Variants in OR51E1 observed in about 807,000 individuals in gnomAD.
The protein encoded by OR51E1 is olfactory receptor 51E1.
In OR51E1, 9 loss-of-function variants were observed where a neutral mutation model predicts 11.5. The ratio of observed to expected loss-of-function variants is 0.78; its 90% CI spans 0.47 to 1.37. The LOEUF (loss-of-function observed/expected upper bound fraction) is 1.37. OR51E1 is among the 40% of genes most tolerant of loss of function. The probability of loss-of-function intolerance (pLI) is 0.00; values close to 1 mark genes in which losing one functional copy is unlikely to be tolerated. For missense variants in OR51E1, 397 were observed against 410.2 expected (o/e 0.97, Z 0.28); for synonymous variants, 168 against 158.3 (o/e 1.06, Z -0.46).
intron 1 of OR51E1, among the ~76,000 whole-genome samples, chr11:4,650,106 T>A (rs1382183983): frequency 6.6e-6 from 1 of 152,198 alleles, no homozygotes; most frequent in African/African-American, 2.4e-5. Flanking sequence ...ACCCTTTTAG[T>A]AAGTCTTCCG....
intron 1 of OR51E1, among the ~76,000 whole-genome samples, chr11:4,646,015 G>A (rs1268214760): frequency 6.6e-6 from 1 of 152,144 alleles, no homozygotes; most frequent in Non-Finnish European, 1.5e-5. Context: ...TAAGTGTTAG[G>A]GAAGGGACTC....
intron 1 of OR51E1, among the ~76,000 whole-genome samples, chr11:4,644,731 C>T (rs958928475): frequency 6.6e-6 from 1 of 152,100 alleles, no homozygotes; most frequent in Non-Finnish European, 1.5e-5. Context: ...TTTGTATTAG[C>T]CAGGATGTAT....
At chr11:4,650,431 G>A (rs1472000133) in intron 1 of OR51E1, among the ~76,000 whole-genome samples, 5 of 152,146 alleles carry the variant, frequency 3.3e-5, no homozygotes, top group African/African-American at 9.7e-5. Flanking sequence ...TGATGACTTC[G>A]GCCCTTTGCC....
intron 1 of OR51E1, among the ~76,000 whole-genome samples, chr11:4,649,493 G>A (rs1847068618): frequency 6.6e-6 from 1 of 152,194 alleles, no homozygotes; most frequent in African/African-American, 2.4e-5. Flanking sequence ...TAGGGATCAT[G>A]GTGAGGAGTG....
chr11:4,644,717 G>A (rs1037898543), intron 1 of OR51E1, among the ~76,000 whole-genome samples: 2 of 151,974 alleles, frequency 1.3e-5, no homozygotes, highest in African/African-American at 4.8e-5. Context: ...TTTCTCTCTG[G>A]CTCTTTGTAT....
At chr11:4,648,556 G>A (rs866289090) in intron 1 of OR51E1, among the ~76,000 whole-genome samples, 2 of 152,274 alleles carry the variant, frequency 1.3e-5, no homozygotes, top group South Asian at 4.2e-4. Flanking sequence ...CCAGGATTCT[G>A]CTCACCACAT....
chr11:4,652,100 A>G (rs1264482653), intron 1 of OR51E1, among the ~76,000 whole-genome samples: 1 of 152,206 alleles, frequency 6.6e-6, no homozygotes, highest in Non-Finnish European at 1.5e-5. Context: ...TTAGAATTGC[A>G]GTTAGTATTA....
At chr11:4,645,917 C>T (rs933970374) in intron 1 of OR51E1, among the ~76,000 whole-genome samples, 5 of 152,184 alleles carry the variant, frequency 3.3e-5, no homozygotes, top group Non-Finnish European at 7.4e-5. Context: ...TGCAAGGGTT[C>T]ATCTGCTTTA....
intron 1 of OR51E1, 92 bp from the exon 2 acceptor site, chr11:4,652,396 G>A: frequency 4.7e-6 from 3 of 641,574 alleles, no homozygotes; most frequent in Non-Finnish European, 5.5e-6. Context: ...TGGATTTAGA[G>A]TTTGAGTTAG....
At chr11:4,648,927 A>G (rs1159467658) in intron 1 of OR51E1, among the ~76,000 whole-genome samples, 1 of 152,024 alleles carries the variant, frequency 6.6e-6, no homozygotes, top group Non-Finnish European at 1.5e-5. Context: ...CCTAAAGATT[A>G]TTTTTACAAA....
intron 1 of OR51E1, among the ~76,000 whole-genome samples, chr11:4,646,404 CT>C (rs776730859): frequency 2.0e-5 from 3 of 152,138 alleles, no homozygotes; most frequent in African/African-American, 2.4e-5. Context: ...TGAAATAGTG[CT>C]TACAAAGCGA....
At position 4,653,305 on chromosome 11, in the gene OR51E1, T is replaced by C. The variant is rs1208915898; in HGVS notation, c.779T>C (p.Leu260Ser). 2 of 1,614,186 alleles carry C rather than the reference T, an allele frequency of 1.2e-6. No homozygotes were observed. The highest frequency in any genetic ancestry group is 2.2e-5 in the South Asian group (2 of 91,086). Residue 260 changes from leucine (L) to serine (S), a missense_variant, in exon 2 of 2, where the codon TTG becomes TCG. Leu to Ser is a moderately radical substitution (Grantham distance 145). Coordinates refer to ENST00000396952, the MANE Select transcript of OR51E1 (RefSeq NM_152430.4). ...ATATTCTATGTACCTTTCATTGGAT[T>C]GTCCATGGTGCATCGCTTTAGCAAG... ...VFIFYVPFIG[L>S]SMVHRFSKRR... is the part of the protein sequence containing the mutation.
Position 4,652,936 on chromosome 11 carries a change from C to A in OR51E1, c.410C>A (p.Thr137Lys), listed in dbSNP as rs949827500. The A allele has an allele frequency of 4.4e-6, 7 of 1,609,084 alleles. No individual in the cohort carries two copies. Among genetic ancestry groups the A allele is most frequent in the South Asian group, 1.1e-5 (1 of 89,938 alleles). ...VAICHPLRHATVLTLPRVTKI... is the reference protein window; with the variant it reads ...VAICHPLRHAKVLTLPRVTKI... ...ATCTGTCACCCACTGCGCCATGCCA[C>A]AGTACTTACGTTGCCTCGTGTCACC... is the stretch of plus-strand genomic sequence containing the variant. Residue 137 changes from threonine (T) to lysine (K), a missense_variant, in exon 2 of 2, where the codon ACA (threonine) becomes AAA (lysine). By Grantham distance (78) the Thr-to-Lys change is moderately conservative. Coordinates refer to ENST00000396952, the MANE Select transcript of OR51E1 (RefSeq NM_152430.4).
intron 1 of OR51E1, among the ~76,000 whole-genome samples, chr11:4,651,873 GA>G (rs1311462160): frequency 1.8e-4 from 28 of 152,296 alleles, no homozygotes; most frequent in Non-Finnish European, 3.4e-4. Context: ...TAATAAAATA[GA>G]ATATGAATTG....
rs140516414 is a variant in OR51E1, at chr11:4,654,567, G to GT, written c.*1085dup. On this transcript the variant is annotated 3_prime_UTR_variant, in exon 2 of 2. Transcript: ENST00000396952. ...GTTCCATAGGTGATTCTGATAGGCA[G>GT]TGAGGTTAGGGAGCCACCAGTTATG... 9.3e-3 allele frequency: 1,563 copies of GT among 167,258 alleles called. 20 individuals carry two copies. The highest frequency in any genetic ancestry group is 0.037 in the Middle Eastern group (11 of 296). 10.4% of individuals were successfully genotyped at this position (167,258 alleles called of 1,614,324 possible).
chr11:4,652,509 T>C lies in OR51E1; in HGVS notation c.-18T>C. Reference sequence around the variant, plus strand: ...CCAGCCTCTACCTGCCTGGTGCTGGTCACAGTTCAGCTTCTTCATGATGGT... The same window carrying C: ...CCAGCCTCTACCTGCCTGGTGCTGGCCACAGTTCAGCTTCTTCATGATGGT... On this transcript the variant is annotated 5_prime_UTR_variant, in exon 2 of 2. Transcript: ENST00000396952. 6.4e-7 allele frequency: 1 copy of C among 1,567,266 alleles called. No individual in the cohort carries two copies. Among genetic ancestry groups the C allele is most frequent in the Non-Finnish European group, 8.8e-7 (1 of 1,140,682 alleles).
intron 1 of OR51E1, among the ~76,000 whole-genome samples, chr11:4,650,131 A>G (rs932174532): frequency 1.3e-5 from 2 of 152,202 alleles, no homozygotes; most frequent in East Asian, 3.8e-4. Context: ...ATGAACCTGG[A>G]TTACAAAAGA....
rs748035450 is a variant in OR51E1, at chr11:4,653,286, T to C, written c.760T>C (p.Tyr254His). ...VSHVCAVFIF[Y>H]VPFIGLSMVH... ...TCATGTGTGTGCTGTGTTCATATTC[T>C]ATGTACCTTTCATTGGATTGTCCAT... is the stretch of plus-strand genomic sequence containing the variant. Residue 254 changes from tyrosine to histidine, a missense_variant, in exon 2 of 2, where the codon TAT (tyrosine) becomes CAT (histidine). Coordinates refer to ENST00000396952, the MANE Select transcript of OR51E1 (RefSeq NM_152430.4). The C allele has an allele frequency of 6.2e-7, 1 of 1,614,212 alleles. No individual in the cohort carries two copies. The highest frequency in any genetic ancestry group is 8.5e-7 in the Non-Finnish European group (1 of 1,180,024).
At position 4,652,903 on chromosome 11, in the gene OR51E1, A is replaced by T; in HGVS notation, c.377A>T (p.Tyr126Phe). Residue 126 changes from tyrosine (Y) to phenylalanine (F), a missense_variant, in exon 2 of 2, where the codon TAT becomes TTT. Coordinates refer to ENST00000396952, the MANE Select transcript of OR51E1 (RefSeq NM_152430.4). The part of the protein sequence containing the change: ...TVLLAMAFDR[Y>F]VAICHPLRHA... The stretch of plus-strand genomic sequence containing the variant: ...CTGCTGGCCATGGCTTTTGACCGCT[A>T]TGTGGCCATCTGTCACCCACTGCGC... 6.2e-7 allele frequency: 1 copy of T among 1,612,282 alleles called. No individual in the cohort carries two copies. The highest frequency in any genetic ancestry group is 8.5e-7 in the Non-Finnish European group (1 of 1,178,950).
Sources: allele counts gnomAD v4.1 joint callset (sites outside exome capture counted in the v4.1 genomes callset), GRCh38; gene constraint gnomAD v4.1.1; transcripts MANE v1.5; gene names NCBI Gene and HGNC (gene_info 2026-07-23, HGNC 2026-07-21).